Variants in DLGAP2 observed in about 807,000 individuals in gnomAD.
DLGAP2 encodes the protein disks large-associated protein 2.
A neutral mutation model predicts 100.3 loss-of-function variants in DLGAP2; 26 were observed. The observed-to-expected ratio is 0.26, with a 90% CI of 0.19 to 0.36. The LOEUF (loss-of-function observed/expected upper bound fraction) is 0.36, where lower values mean the gene tolerates loss of function less well. Ranked by LOEUF, DLGAP2 falls within the 10% of genes least tolerant of loss-of-function variation. The probability of loss-of-function intolerance (pLI) is 1.00; values close to 1 mark genes in which losing one functional copy is unlikely to be tolerated. For missense variants in DLGAP2, 1,858 were observed against 1,453.2 expected, an observed-to-expected ratio of 1.28 and a Z score of -4.53; for synonymous variants, 886 against 630.1, an observed-to-expected ratio of 1.41 and a Z score of -6.08.
At chr8:890,549 G>A (rs896697010) in intron 1 of DLGAP2, among the ~76,000 whole-genome samples, 2 of 151,432 alleles carry the variant, frequency 1.3e-5, no homozygotes, top group African/African-American at 2.4e-5. Context: ...TCTCGATGGC[G>A]CCTCCTCCTC....
intron 2 of DLGAP2, among the ~76,000 whole-genome samples, chr8:1,241,329 G>A (rs1378478873): frequency 1.3e-5 from 2 of 150,604 alleles, no homozygotes; most frequent in African/African-American, 4.9e-5. Flanking sequence ...ACATGGCACT[G>A]TGTCTAGTTG....
chr8:1,594,118 C>G (rs2472058), intron 6 of DLGAP2, among the ~76,000 whole-genome samples: 2 of 152,172 alleles, frequency 1.3e-5, no homozygotes, highest in Admixed American at 6.5e-5. Flanking sequence ...GGCTGAGACC[C>G]TCAGAATCTC....
Position 1,492,245 on chromosome 8 carries a change from G to A in DLGAP2, c.107-9121G>A, listed in dbSNP as rs143204372. Among the ~76,000 whole-genome samples the A allele has an allele frequency of 6.6e-5, 10 of 152,316 alleles. No individual in the cohort carries two copies. The East Asian group carries it at 1.9e-3, about 29-fold the overall frequency. ...TTACGGCAGTGGCTGAGCGCGGCTGGTGCACAGCTGCGAGTGAAATGGAGG... is the reference window on the plus strand; with the variant it reads ...TTACGGCAGTGGCTGAGCGCGGCTGATGCACAGCTGCGAGTGAAATGGAGG... On this transcript the variant is annotated intron_variant, in intron 3 of 14. Coordinates refer to ENST00000637795, the MANE Select transcript of DLGAP2 (RefSeq NM_001346810.2).
At chr8:1,676,910 G>A (rs926452712) in intron 11 of DLGAP2, among the ~76,000 whole-genome samples, 2 of 152,206 alleles carry the variant, frequency 1.3e-5, no homozygotes, top group African/African-American at 4.8e-5. Flanking sequence ...AAAGAAGGAC[G>A]GGCTGAGGGT....
At chr8:903,017 G>A (rs1798294164) in intron 1 of DLGAP2, among the ~76,000 whole-genome samples, 2 of 136,968 alleles carry the variant, frequency 1.5e-5, no homozygotes, top group South Asian at 2.6e-4. Context: ...GTGGGCAGGG[G>A]TGGGGGGTGG....
chr8:1,176,704 G>A (rs967234946), intron 2 of DLGAP2, among the ~76,000 whole-genome samples: 4 of 152,176 alleles, frequency 2.6e-5, no homozygotes, highest in African/African-American at 9.7e-5. Flanking sequence ...GGCTCCGTCT[G>A]CCATGCTGCC....
intron 3 of DLGAP2, among the ~76,000 whole-genome samples, chr8:1,323,749 G>C (rs1210617168): frequency 2.6e-5 from 4 of 152,328 alleles, no homozygotes; most frequent in African/African-American, 9.6e-5. Context: ...ACTGGTCGCT[G>C]CCTGTGCCAC....
chr8:1,534,282 C>T (rs1039689954), intron 4 of DLGAP2, among the ~76,000 whole-genome samples: 1 of 152,186 alleles, frequency 6.6e-6, no homozygotes, highest in Admixed American at 6.5e-5. Context: ...AATTTTCTAG[C>T]ACAGAAAGTA....
At chr8:1,006,600 G>A (rs565138122) in intron 2 of DLGAP2, among the ~76,000 whole-genome samples, 1 of 40,644 alleles carries the variant, frequency 2.5e-5, no homozygotes, top group Non-Finnish European at 5.0e-5. Flanking sequence ...CTCAAGTCTC[G>A]GGATGTGGTC....
At chr8:1,494,087 T>C (rs1799474293) in intron 3 of DLGAP2, among the ~76,000 whole-genome samples, 1 of 152,172 alleles carries the variant, frequency 6.6e-6, no homozygotes, top group African/African-American at 2.4e-5. Flanking sequence ...ACAAACACTC[T>C]GCAGGGCAGG....
At chr8:1,513,713 A>G (rs1229862031) in intron 4 of DLGAP2, among the ~76,000 whole-genome samples, 2 of 152,246 alleles carry the variant, frequency 1.3e-5, no homozygotes, top group Non-Finnish European at 2.9e-5. Flanking sequence ...ATTCCCTAAA[A>G]GTACACTTTT....
At chr8:766,143 A>G (rs1821210515) in intron 1 of DLGAP2, among the ~76,000 whole-genome samples, 1 of 152,172 alleles carries the variant, frequency 6.6e-6, no homozygotes, top group African/African-American at 2.4e-5. Flanking sequence ...CTCCAGCCTG[A>G]GTGACAGAGC....
intron 4 of DLGAP2, among the ~76,000 whole-genome samples, chr8:1,524,065 C>T (rs1329160873): frequency 2.0e-5 from 3 of 152,170 alleles, no homozygotes; most frequent in Non-Finnish European, 4.4e-5. Flanking sequence ...GGACGTCGTC[C>T]CGTGTAAGAG....
intron 3 of DLGAP2, among the ~76,000 whole-genome samples, chr8:1,336,574 C>A (rs1801280196): frequency 6.6e-6 from 1 of 152,210 alleles, no homozygotes; most frequent in Admixed American, 6.5e-5. Context: ...GGGCTTGGCA[C>A]AACTGGTTCA....
At chr8:1,530,021 G>A (rs1800936178) in intron 4 of DLGAP2, among the ~76,000 whole-genome samples, 1 of 152,208 alleles carries the variant, frequency 6.6e-6, no homozygotes, top group South Asian at 2.1e-4. Flanking sequence ...CAGGACCACA[G>A]GACGGGAGCG....
chr8:1,669,223 A>T (rs2130839956), intron 9 of DLGAP2, among the ~76,000 whole-genome samples: 1 of 152,290 alleles, frequency 6.6e-6, no homozygotes, highest in Non-Finnish European at 1.5e-5. Context: ...CAGATGTTGC[A>T]TCCATGGTTT....
intron 2 of DLGAP2, among the ~76,000 whole-genome samples, chr8:1,232,722 G>T (rs578238464): frequency 6.6e-6 from 1 of 152,326 alleles, no homozygotes; most frequent in East Asian, 1.9e-4. Context: ...CATGTTCAGT[G>T]ACTTGTCTGA....
chr8:1,588,083 C>T (rs550800554), intron 6 of DLGAP2, among the ~76,000 whole-genome samples: 6 of 152,212 alleles, frequency 3.9e-5, no homozygotes, highest in Non-Finnish European at 5.9e-5. Flanking sequence ...CACATTCGCA[C>T]GATGAAGAGT....
At chr8:1,326,518 C>G (rs1453519185) in intron 3 of DLGAP2, among the ~76,000 whole-genome samples, 1 of 151,700 alleles carries the variant, frequency 6.6e-6, no homozygotes. Flanking sequence ...ACGGCGTGCA[C>G]TCGGTCTCGG....
Sources: gnomAD v4.1 joint callset for allele counts (sites outside exome capture counted in the v4.1 genomes callset) on GRCh38, gnomAD v4.1.1 for gene constraint, MANE v1.5 for transcripts, NCBI Gene and HGNC (gene_info 2026-07-23, HGNC 2026-07-21) for gene names.